CBX5: variants seen among roughly 807,000 people sequenced by gnomAD.
CBX5 encodes chromobox 5, also known as chromobox protein homolog 5.
CBX5 carries 7 observed loss-of-function variants against 20.7 expected under a neutral mutation model. That is an observed-to-expected ratio of 0.34 (90% confidence interval 0.19 to 0.63). CBX5 has a LOEUF of 0.63. CBX5 is among the 30% of genes least tolerant of loss of function. The pLI, the probability that CBX5 is intolerant of heterozygous loss-of-function variation, is 0.75. For missense variants in CBX5, 110 were observed against 224.1 expected, an observed-to-expected ratio of 0.49 and a Z score of 3.25; for synonymous variants, 78 against 77.0, an observed-to-expected ratio of 1.01 and a Z score of -0.07.
At chr12:54,276,987 C>T (rs183315536) in intron 1 of CBX5, 2 of 152,284 alleles carry the variant, frequency 1.3e-5, no homozygotes, top group African/African-American at 4.8e-5. Context: ...CAAACAAGGA[C>T]AAGATGCAAT....
intron 4 of CBX5, among the ~76,000 whole-genome samples, chr12:54,245,727 T>C (rs889089966): frequency 2.0e-5 from 3 of 149,122 alleles, no homozygotes; most frequent in South Asian, 2.1e-4. Context: ...GAGGCGGAGG[T>C]TGCGGTAAGC....
intron 4 of CBX5, among the ~76,000 whole-genome samples, chr12:54,244,007 C>CT (rs952076095): frequency 7.6e-4 from 112 of 146,464 alleles, no homozygotes; most frequent in African/African-American, 1.2e-3. Flanking sequence ...GATTATACAA[C>CT]TTTTTTTTTT....
intron 1 of CBX5, among the ~76,000 whole-genome samples, chr12:54,267,572 C>A (rs1943967769): frequency 6.6e-6 from 1 of 151,486 alleles, no homozygotes; most frequent in Non-Finnish European, 1.5e-5. Flanking sequence ...AGTGCAGTGG[C>A]ACAATCTCGG....
At chr12:54,266,821 T>C (rs1371041796) in intron 1 of CBX5, among the ~76,000 whole-genome samples, 2 of 152,202 alleles carry the variant, frequency 1.3e-5, no homozygotes, top group African/African-American at 4.8e-5. Context: ...TCCACTCAAT[T>C]TCTTCTCTCA....
intron 1 of CBX5, among the ~76,000 whole-genome samples, chr12:54,268,712 G>A (rs972838956): frequency 6.6e-6 from 1 of 152,162 alleles, no homozygotes; most frequent in African/African-American, 2.4e-5. Flanking sequence ...CCTTGGTCAA[G>A]TTAGCAACTT....
At chr12:54,251,114 G>C (rs957691373) in intron 3 of CBX5, among the ~76,000 whole-genome samples, 1 of 151,312 alleles carries the variant, frequency 6.6e-6, no homozygotes, top group Non-Finnish European at 1.5e-5. Flanking sequence ...CTGGGTGACA[G>C]AGCGATATTC....
At position 54,241,662 on chromosome 12, in the gene CBX5, T is replaced by G; in HGVS notation, c.*93A>C. 1 of 1,173,396 alleles carries G rather than the reference T, an allele frequency of 8.5e-7. No individual in the cohort carries two copies. Among genetic ancestry groups the G allele is most frequent in the Non-Finnish European group, 1.2e-6 (1 of 828,110 alleles). The allele number at this position is 1,173,396 out of a possible 1,614,324, so 72.7% of individuals were successfully genotyped here. ...GTGATAAGCACATTTTTTATGGATG[T>G]GTTTAGGATAGAAAGGGGTGGGTAG... On this transcript the variant is annotated 3_prime_UTR_variant, in exon 5 of 5. Coordinates refer to ENST00000209875, the MANE Select transcript of CBX5 (RefSeq NM_012117.3).
Position 54,263,762 on chromosome 12 carries a change from CAAAAAAAA to C in CBX5, c.-42-6078_-42-6071del, listed in dbSNP as rs66591051. On this transcript the variant is annotated intron_variant, in intron 1 of 4. Transcript: ENST00000209875. ...TGGGCAACAGGGTAAGACTCTATCTCAAAAAAAAAAAAAAAAAAAAAGAAAAGAAAAAA... is the reference window on the plus strand; with the variant it reads ...TGGGCAACAGGGTAAGACTCTATCTCAAAAAAAAAAAAAGAAAAGAAAAAA... Among the ~76,000 whole-genome samples, 268 of 37,892 alleles carry C rather than the reference CAAAAAAAA, an allele frequency of 7.1e-3. 2 individuals are homozygous for C. Among genetic ancestry groups the C allele is most frequent in the African/African-American group, 0.027 (253 of 9,310 alleles). The allele number at this position is 37,892 out of a possible 152,430, so 24.9% of individuals were successfully genotyped here. A position where few individuals can be genotyped will look rare whatever the true frequency, so the allele number is the denominator to read the frequency against.
Position 54,246,144 on chromosome 12 carries a change from G to A in CBX5, c.396C>T (p.Ser132=). 6.2e-7 allele frequency: 1 copy of A among 1,613,214 alleles called. No homozygotes were observed. The highest frequency in any genetic ancestry group is 8.5e-7 in the Non-Finnish European group (1 of 1,179,262). Residue 132 remains serine, a synonymous_variant, in exon 4 of 5, where the codon TCC becomes TCT. Transcript: ENST00000209875. Reference sequence around the variant, plus strand: ...TCATTAGGAACATTAAATCACCACAGGAATCTGTTGCCCCAATGATCTTTT... The same window carrying A: ...TCATTAGGAACATTAAATCACCACAAGAATCTGTTGCCCCAATGATCTTTT... ...EPEKIIGATD[S]CGDLMFLMKW... is the part of the protein sequence containing the mutation.
chr12:54,255,017 T>C (rs1490211622), intron 2 of CBX5, among the ~76,000 whole-genome samples: 1 of 152,130 alleles, frequency 6.6e-6, no homozygotes, highest in Non-Finnish European at 1.5e-5. Flanking sequence ...TTGGGAAGAA[T>C]CTGTTGATAG....
intron 3 of CBX5, among the ~76,000 whole-genome samples, chr12:54,247,067 G>T (rs974691444): frequency 1.3e-5 from 2 of 152,048 alleles, no homozygotes; most frequent in Admixed American, 1.3e-4. Context: ...AAGAATAGAG[G>T]TAAGAATTAT....
chr12:54,252,707 G>A (rs141194652), intron 2 of CBX5, among the ~76,000 whole-genome samples: 18 of 152,158 alleles, frequency 1.2e-4, no homozygotes, highest in African/African-American at 4.1e-4. Context: ...CAGATCAGCC[G>A]GGCACGGTGG....
chr12:54,262,453 C>T (rs1434814319), intron 1 of CBX5, among the ~76,000 whole-genome samples: 1 of 152,172 alleles, frequency 6.6e-6, no homozygotes, highest in Non-Finnish European at 1.5e-5. Flanking sequence ...TCGAATTGGG[C>T]CTGATGCCAG....
intron 1 of CBX5, among the ~76,000 whole-genome samples, chr12:54,263,571 A>G (rs904757559): frequency 6.6e-6 from 1 of 151,912 alleles, no homozygotes; most frequent in Admixed American, 6.6e-5. Flanking sequence ...CGTCTCTACT[A>G]AAGACACAAA....
At chr12:54,244,863 T>C (rs538207571) in intron 4 of CBX5, among the ~76,000 whole-genome samples, 1 of 152,306 alleles carries the variant, frequency 6.6e-6, no homozygotes, top group South Asian at 2.1e-4. Context: ...TTTTCTCTTT[T>C]AGACATTATT....
rs1943627182 is a variant in CBX5 at position 54,236,753 on chromosome 12, A to AC, written c.*5001_*5002insG. 6.6e-6 allele frequency: 1 copy of AC among 152,308 alleles called. No homozygotes were observed. Among genetic ancestry groups the AC allele is most frequent in the Non-Finnish European group, 1.5e-5 (1 of 68,032 alleles). The allele number at this position is 152,308 out of a possible 1,614,324, so 9.4% of individuals were successfully genotyped here. On this transcript the variant is annotated 3_prime_UTR_variant, in exon 5 of 5. Coordinates refer to ENST00000209875, the MANE Select transcript of CBX5 (RefSeq NM_012117.3). Reference sequence around the variant, plus strand: ...TCTAACGGTGTTCTCATGACATTGCAAAGTAGTATTTTATGCCCTCAAAAC... The same window carrying AC: ...TCTAACGGTGTTCTCATGACATTGCACAAGTAGTATTTTATGCCCTCAAAAC...
rs548330705 is a variant in CBX5, at chr12:54,232,377, C to T, written c.*9378G>A. The T allele has an allele frequency of 6.6e-6, 1 of 152,336 alleles. No homozygotes were observed. Among genetic ancestry groups the T allele is most frequent in the South Asian group, 2.1e-4 (1 of 4,830 alleles). The allele number at this position is 152,336 out of a possible 1,614,324, so 9.4% of individuals were successfully genotyped here. A position where few individuals can be genotyped will look rare whatever the true frequency, so the allele number is the denominator to read the frequency against. On this transcript the variant is annotated 3_prime_UTR_variant, in exon 5 of 5. Transcript: ENST00000209875. Reference sequence around the variant, plus strand: ...GTCAGGCTTAAACTCTGGCTCAAGACATCCTCCACAGAGGACCCTGAAGTA... The same window carrying T: ...GTCAGGCTTAAACTCTGGCTCAAGATATCCTCCACAGAGGACCCTGAAGTA...
chr12:54,279,603 A>G (rs900150056), intron 1 of CBX5, among the ~76,000 whole-genome samples: 1 of 152,062 alleles, frequency 6.6e-6, no homozygotes, highest in Non-Finnish European at 1.5e-5. Flanking sequence ...GATTCGTTCC[A>G]TCCGTTTAAC....
chr12:54,275,294 G>A (rs888179326), intron 1 of CBX5, among the ~76,000 whole-genome samples: 1 of 152,044 alleles, frequency 6.6e-6, no homozygotes, highest in Non-Finnish European at 1.5e-5. Flanking sequence ...CCAGGCTGGA[G>A]TACAGTGGTG....
Sources: gnomAD v4.1 joint callset for allele counts (sites outside exome capture counted in the v4.1 genomes callset) on GRCh38, gnomAD v4.1.1 for gene constraint, MANE v1.5 for transcripts, NCBI Gene and HGNC (gene_info 2026-07-23, HGNC 2026-07-21) for gene names.